CSMD1: variants seen among roughly 807,000 people sequenced by gnomAD.
The protein encoded by CSMD1 is CUB and sushi domain-containing protein 1.
CSMD1 carries 213 observed loss-of-function variants against 417.5 expected under a neutral mutation model. The observed-to-expected ratio is 0.51, with a 90% CI of 0.46 to 0.57. The LOEUF (loss-of-function observed/expected upper bound fraction) is 0.57, where lower values mean the gene tolerates loss of function less well. CSMD1 is among the 20% of genes least tolerant of loss of function. The pLI is 0.00. For synonymous variants in CSMD1, 2,862 were observed against 1,736.8 expected (o/e 1.65, Z -16.11); for missense variants, 6,923 against 4,529.7 (o/e 1.53, Z -15.17).
At chr8:3,828,757 G>A (rs1396109405) in intron 5 of CSMD1, among the ~76,000 whole-genome samples, 1 of 152,058 alleles carries the variant, frequency 6.6e-6, no homozygotes, top group African/African-American at 2.4e-5. Flanking sequence ...CTAAACATCA[G>A]TGAGGTCCTG....
At chr8:3,535,632 A>T (rs1798164003) in intron 10 of CSMD1, among the ~76,000 whole-genome samples, 1 of 152,224 alleles carries the variant, frequency 6.6e-6, no homozygotes, top group Non-Finnish European at 1.5e-5. Context: ...CAAGTAACAG[A>T]TACCCTAAAA....
Position 4,221,450 on chromosome 8 carries a change from C to A in CSMD1, c.416-189351G>T, listed in dbSNP as rs571300873. 6.0e-4 allele frequency among the ~76,000 whole-genome samples: 91 copies of A among 151,190 alleles called. 1 individual carries two copies. The highest frequency in any genetic ancestry group is 2.0e-3 in the African/African-American group (83 of 41,268). ...CTACTGGGTTAACAGACAACTGGAA[C>A]TGACTTAGCAGAATTGATAAAGCTG... On this transcript the variant is annotated intron_variant, in intron 3 of 69. Coordinates refer to ENST00000635120, the MANE Select transcript of CSMD1 (RefSeq NM_033225.6).
chr8:4,039,646 A>T lies in CSMD1; in HGVS notation c.416-7547T>A, dbSNP rs142623465. Among the ~76,000 whole-genome samples the T allele has an allele frequency of 2.9e-3, 438 of 152,298 alleles. 2 individuals are homozygous for T. The highest frequency in any genetic ancestry group is 0.01 in the African/African-American group (419 of 41,570). On this transcript the variant is annotated intron_variant, in intron 3 of 69. Transcript: ENST00000635120. ...CAGTGAAAGAGAAGGACCTCATGGG[A>T]CGTAATCAGAACTGGCTGAGAATAA...
intron 39 of CSMD1, among the ~76,000 whole-genome samples, chr8:3,155,828 T>C (rs908773275): frequency 3.3e-5 from 5 of 152,208 alleles, no homozygotes; most frequent in Non-Finnish European, 5.9e-5. Context: ...GAACATAACA[T>C]AAACAGACGT....
At chr8:3,737,786 C>A (rs1300954727) in intron 6 of CSMD1, among the ~76,000 whole-genome samples, 1 of 152,144 alleles carries the variant, frequency 6.6e-6, no homozygotes, top group Non-Finnish European at 1.5e-5. Context: ...CGTCTGAAAT[C>A]AAAGGAGACA....
rs539303328 is a variant in CSMD1, at chr8:4,037,427, T to G, written c.416-5328A>C. Reference sequence around the variant, plus strand: ...CATTATAGAGAATAAAGAGGATGTCTATTTCTGGGGCATCTTAGACCATTT... The same window carrying G: ...CATTATAGAGAATAAAGAGGATGTCGATTTCTGGGGCATCTTAGACCATTT... On this transcript the variant is annotated intron_variant, in intron 3 of 69. Coordinates refer to ENST00000635120, the MANE Select transcript of CSMD1 (RefSeq NM_033225.6). Among the ~76,000 whole-genome samples, 239 of 152,336 alleles carry G rather than the reference T, an allele frequency of 1.6e-3. 1 individual carries two copies. The highest frequency in any genetic ancestry group is 5.3e-3 in the African/African-American group (222 of 41,578).
At chr8:4,339,066 G>C (rs540927857) in intron 3 of CSMD1, among the ~76,000 whole-genome samples, 2 of 152,164 alleles carry the variant, frequency 1.3e-5, no homozygotes, top group African/African-American at 4.8e-5. Flanking sequence ...ACTATTGCTT[G>C]GGTAGTAGAG....
At chr8:4,090,465 T>G (rs1434557605) in intron 3 of CSMD1, among the ~76,000 whole-genome samples, 1 of 152,172 alleles carries the variant, frequency 6.6e-6, no homozygotes, top group African/African-American at 2.4e-5. Flanking sequence ...GGGAAGGTTT[T>G]AAAATAAAAA....
At chr8:4,453,480 G>C (rs565077957) in intron 2 of CSMD1, among the ~76,000 whole-genome samples, 1 of 152,154 alleles carries the variant, frequency 6.6e-6, no homozygotes, top group African/African-American at 2.4e-5. Context: ...AAGTCTGGCT[G>C]AATTCAAAGC....
At chr8:4,010,589 CTACAT>C (rs1249407607) in intron 4 of CSMD1, among the ~76,000 whole-genome samples, 1 of 150,174 alleles carries the variant, frequency 6.7e-6, no homozygotes, top group Non-Finnish European at 1.5e-5. Context: ...TGCAGTCTGA[CTACAT>C]TCTGAGCCCA....
At chr8:3,207,378 C>T (rs998049066) in intron 30 of CSMD1, among the ~76,000 whole-genome samples, 4 of 151,454 alleles carry the variant, frequency 2.6e-5, no homozygotes, top group Non-Finnish European at 5.9e-5. Flanking sequence ...CTCCTGACCT[C>T]ATGATCCGCA....
chr8:4,253,932 T>TAA (rs1351506230), intron 3 of CSMD1, among the ~76,000 whole-genome samples: 12,273 of 141,344 alleles, frequency 0.087, 787 homozygotes, highest in South Asian at 0.18. Context: ...TTTTTTTTTT[T>TAA]TTGAGATGGA....
chr8:4,786,136 A>C (rs185091477), intron 1 of CSMD1, among the ~76,000 whole-genome samples: 1 of 152,346 alleles, frequency 6.6e-6, no homozygotes, highest in African/African-American at 2.4e-5. Context: ...GCTTCTAAAA[A>C]TGGATTTTAA....
intron 26 of CSMD1, among the ~76,000 whole-genome samples, chr8:3,250,845 G>T (rs1307421857): frequency 6.6e-6 from 1 of 152,138 alleles, no homozygotes; most frequent in Non-Finnish European, 1.5e-5. Context: ...GTGTCTGTTG[G>T]CTGCATAAAT....
At chr8:3,785,931 G>C (rs1799433687) in intron 5 of CSMD1, among the ~76,000 whole-genome samples, 1 of 152,210 alleles carries the variant, frequency 6.6e-6, no homozygotes, top group South Asian at 2.1e-4. Flanking sequence ...TTGGAGCCGA[G>C]GAAATGGAAG....
At chr8:3,619,956 G>A (rs574150591) in intron 7 of CSMD1, among the ~76,000 whole-genome samples, 18 of 152,122 alleles carry the variant, frequency 1.2e-4, no homozygotes, top group Non-Finnish European at 1.5e-4. Context: ...ATAAAAATCA[G>A]CCAGGCATGG....
At chr8:4,683,079 T>TA (rs1443096983) in intron 1 of CSMD1, among the ~76,000 whole-genome samples, 5 of 150,366 alleles carry the variant, frequency 3.3e-5, no homozygotes, top group Non-Finnish European at 7.4e-5. Context: ...GCATAGAATT[T>TA]AGAAATTAAG....
chr8:4,829,310 T>C lies in CSMD1; in HGVS notation c.85+165022A>G, dbSNP rs79118140. The stretch of plus-strand genomic sequence containing the variant: ...CATAAGCTTTATCCCATCAAACCAT[T>C]ATATTAATCTATGTTTTCATTTAAC... On this transcript the variant is annotated intron_variant, in intron 1 of 69. Coordinates refer to ENST00000635120, the MANE Select transcript of CSMD1 (RefSeq NM_033225.6). 6.6e-5 allele frequency among the ~76,000 whole-genome samples: 10 copies of C among 152,304 alleles called. No individual in the cohort carries two copies. The East Asian group carries it at 1.5e-3, about 24-fold the overall frequency.
intron 12 of CSMD1, among the ~76,000 whole-genome samples, chr8:3,415,106 C>G (rs1813047932): frequency 6.6e-6 from 1 of 152,144 alleles, no homozygotes; most frequent in Non-Finnish European, 1.5e-5. Context: ...TATTCGCACT[C>G]ACATTTACAT....
Sources: gnomAD v4.1 joint callset for allele counts (sites outside exome capture counted in the v4.1 genomes callset) on GRCh38, gnomAD v4.1.1 for gene constraint, MANE v1.5 for transcripts, NCBI Gene and HGNC (gene_info 2026-07-23, HGNC 2026-07-21) for gene names.